The following DSCAM variants were observed in gnomAD, a reference collection of about 807,000 sequenced individuals.
DSCAM encodes DS cell adhesion molecule, also known as cell adhesion molecule DSCAM.
In DSCAM, 47 loss-of-function variants were observed where a neutral mutation model predicts 217.7. The observed-to-expected ratio is 0.22, with a 90% confidence interval of 0.17 to 0.28. DSCAM has a LOEUF of 0.28. DSCAM is among the 10% of genes least tolerant of loss of function. The pLI is 1.00. For synonymous variants in DSCAM, 1,056 were observed against 1,015.3 expected (o/e 1.04, Z -0.76); for missense variants, 2,080 against 2,618.3 (o/e 0.79, Z 4.49).
At chr21:40,277,862 T>A in intron 10 of DSCAM, among the ~76,000 whole-genome samples, 1 of 141,422 alleles carries the variant, frequency 7.1e-6, no homozygotes. Flanking sequence ...GAGTGAGACT[T>A]CGTCTCAAAA....
chr21:40,580,218 A>C (rs1042841193), intron 3 of DSCAM, among the ~76,000 whole-genome samples: 4 of 151,592 alleles, frequency 2.6e-5, no homozygotes, highest in Non-Finnish European at 4.4e-5. Context: ...AGTAGCTGGG[A>C]CTACATTAAA....
intron 19 of DSCAM, among the ~76,000 whole-genome samples, chr21:40,125,938 A>G (rs1462896555): frequency 6.6e-6 from 1 of 152,202 alleles, no homozygotes; most frequent in Non-Finnish European, 1.5e-5. Flanking sequence ...CACCACAGTG[A>G]ACATTCTTGC....
chr21:40,267,998 CACACAT>C (rs2073563774), intron 11 of DSCAM, among the ~76,000 whole-genome samples: 1 of 152,134 alleles, frequency 6.6e-6, no homozygotes, highest in Non-Finnish European at 1.5e-5. Context: ...TACAAATACA[CACACAT>C]ATATACATTC....
intron 11 of DSCAM, among the ~76,000 whole-genome samples, chr21:40,198,861 G>A (rs986068978): frequency 6.6e-6 from 1 of 152,206 alleles, no homozygotes; most frequent in Non-Finnish European, 1.5e-5. Flanking sequence ...AAATTGTTAA[G>A]AATTCAAGAT....
Position 40,720,571 on chromosome 21 carries a change from G to C in DSCAM, c.44-11800C>G, listed in dbSNP as rs184526190. Among the ~76,000 whole-genome samples the C allele has an allele frequency of 9.4e-4, 142 of 151,540 alleles. 1 individual carries two copies. The highest frequency in any genetic ancestry group is 9.2e-3 in the Admixed American group (140 of 15,192). ...ATGATGTTGCAACTGTCATCACTTA[G>C]AAATATGAAATTCTGTCTCTGTCCA... is the stretch of plus-strand genomic sequence containing the variant. On this transcript the variant is annotated intron_variant, in intron 1 of 32. Transcript: ENST00000400454.
At chr21:40,457,070 C>A (rs554280228) in intron 3 of DSCAM, among the ~76,000 whole-genome samples, 1 of 152,120 alleles carries the variant, frequency 6.6e-6, no homozygotes, top group Non-Finnish European at 1.5e-5. Context: ...CAAATAGATT[C>A]TTTAATGGTG....
rs1265042380 is a variant in DSCAM, at chr21:40,139,857, GGT to G, written c.3406+2699_3406+2700del. On this transcript the variant is annotated intron_variant, in intron 18 of 32. Coordinates refer to ENST00000400454, the MANE Select transcript of DSCAM (RefSeq NM_001389.5). ...GGTGTGGTATGTGTGGTGTATGTGGGGTGTGTGTATGTGTGTTGTGTGTGCAT... is the reference window on the plus strand; with the variant it reads ...GGTGTGGTATGTGTGGTGTATGTGGGGTGTGTATGTGTGTTGTGTGTGCAT... Among the ~76,000 whole-genome samples, 5 of 150,510 alleles carry G rather than the reference GGT, an allele frequency of 3.3e-5. No individual in the cohort carries two copies. In the East Asian group the frequency reaches 9.8e-4, roughly 29 times the overall value.
At chr21:40,184,159 C>T (rs1293784990) in intron 14 of DSCAM, among the ~76,000 whole-genome samples, 1 of 152,182 alleles carries the variant, frequency 6.6e-6, no homozygotes, top group African/African-American at 2.4e-5. Context: ...GACATTTAGG[C>T]TGTTATTAAT....
intron 10 of DSCAM, among the ~76,000 whole-genome samples, chr21:40,292,365 T>A (rs1182991639): frequency 6.6e-6 from 1 of 152,242 alleles, no homozygotes; most frequent in East Asian, 1.9e-4. Context: ...GAGCTGCACT[T>A]CAGCTCTTAG....
At chr21:40,592,205 T>C (rs1255540568) in intron 3 of DSCAM, among the ~76,000 whole-genome samples, 1 of 152,208 alleles carries the variant, frequency 6.6e-6, no homozygotes, top group Non-Finnish European at 1.5e-5. Context: ...ATTTTTCAGG[T>C]GAGAAATTAC....
chr21:40,291,807 C>A (rs926390154), intron 10 of DSCAM, among the ~76,000 whole-genome samples: 1 of 152,210 alleles, frequency 6.6e-6, no homozygotes, highest in Non-Finnish European at 1.5e-5. Context: ...TGGACATTCC[C>A]ACAACCAAGT....
chr21:40,179,690 T>C (rs1242367544), intron 14 of DSCAM, among the ~76,000 whole-genome samples: 1 of 152,222 alleles, frequency 6.6e-6, no homozygotes, highest in Non-Finnish European at 1.5e-5. Flanking sequence ...TTTTTTGAAA[T>C]CATTTAGTGC....
intron 1 of DSCAM, among the ~76,000 whole-genome samples, chr21:40,771,978 G>A (rs752170994): frequency 3.9e-5 from 6 of 152,122 alleles, no homozygotes; most frequent in South Asian, 2.1e-4. Context: ...ATGTGAATAC[G>A]TTCATGGGAA....
intron 1 of DSCAM, among the ~76,000 whole-genome samples, chr21:40,743,671 A>G (rs912490273): frequency 6.6e-6 from 1 of 152,174 alleles, no homozygotes; most frequent in Non-Finnish European, 1.5e-5. Flanking sequence ...GTGATACAAG[A>G]GAGTTATTCT....
chr21:40,764,468 GC>G lies in DSCAM; in HGVS notation c.44-55698del, dbSNP rs534056288. The stretch of plus-strand genomic sequence containing the variant: ...GGAAACAACAGACGCTGGTGAGGAT[GC>G]AGAGAAATAGGAACACTTTCACACT... On this transcript the variant is annotated intron_variant, in intron 1 of 32. Transcript: ENST00000400454. 9.2e-5 allele frequency among the ~76,000 whole-genome samples: 14 copies of G among 152,304 alleles called. No individual in the cohort carries two copies. The South Asian group carries it at 2.9e-3, about 32-fold the overall frequency.
At chr21:40,524,512 T>G (rs1326635592) in intron 3 of DSCAM, among the ~76,000 whole-genome samples, 1 of 151,968 alleles carries the variant, frequency 6.6e-6, no homozygotes, top group South Asian at 2.1e-4. Flanking sequence ...TTAAGATTTT[T>G]CAGCGCTTTC....
At chr21:40,200,052 A>G (rs1340673957) in intron 11 of DSCAM, among the ~76,000 whole-genome samples, 2 of 151,694 alleles carry the variant, frequency 1.3e-5, no homozygotes, top group African/African-American at 4.9e-5. Flanking sequence ...CACATAACAA[A>G]AAATTGGTCA....
intron 3 of DSCAM, among the ~76,000 whole-genome samples, chr21:40,410,574 G>C: frequency 6.6e-6 from 1 of 151,842 alleles, no homozygotes; most frequent in East Asian, 1.9e-4. Context: ...ACAACACCGA[G>C]ATGCATCATT....
At chr21:40,073,548 A>G (rs2089324811) in intron 27 of DSCAM, among the ~76,000 whole-genome samples, 1 of 152,164 alleles carries the variant, frequency 6.6e-6, no homozygotes, top group South Asian at 2.1e-4. Context: ...ATTATATGGA[A>G]CTTCTCACCA....
Sources: gnomAD v4.1 joint callset for allele counts (sites outside exome capture counted in the v4.1 genomes callset) on GRCh38, gnomAD v4.1.1 for gene constraint, MANE v1.5 for transcripts, NCBI Gene and HGNC (gene_info 2026-07-23, HGNC 2026-07-21) for gene names.